The following POU2F1 variants were observed in gnomAD, a reference collection of about 807,000 sequenced individuals.
POU2F1 encodes POU class 2 homeobox 1, also known as POU domain, class 2, transcription factor 1.
POU2F1 carries 16 observed loss-of-function variants against 84.9 expected under a neutral mutation model. The observed-to-expected ratio is 0.19, with a 90% CI of 0.13 to 0.29. The LOEUF is 0.29. POU2F1 is among the 10% of genes least tolerant of loss of function. The pLI, the probability that POU2F1 is intolerant of heterozygous loss-of-function variation, is 1.00. For missense variants in POU2F1, 738 were observed against 942.6 expected (o/e 0.78, Z 2.84); for synonymous variants, 368 against 368.3 (o/e 1.00, Z 0.01).
intron 4 of POU2F1, 84 bp from the exon 5 acceptor site, chr1:167,371,833 A>G (rs1660018388): frequency 6.4e-7 from 1 of 1,558,212 alleles, no homozygotes. Context: ...CATGTTTTAA[A>G]TGATTCCTAA....
intron 12 of POU2F1, among the ~76,000 whole-genome samples, 171 bp downstream of exon 12, chr1:167,399,536 T>A (rs1247853500): frequency 6.6e-6 from 1 of 152,216 alleles, no homozygotes; most frequent in Non-Finnish European, 1.5e-5. Context: ...TCTCATTCTC[T>A]CTTTCCTTGT....
intron 1 of POU2F1, among the ~76,000 whole-genome samples, chr1:167,238,900 G>C (rs1649694586): frequency 6.6e-6 from 1 of 152,190 alleles, no homozygotes; most frequent in Non-Finnish European, 1.5e-5. Context: ...TGGCTACTCA[G>C]ATGGGTGGCT....
At chr1:167,343,718 T>TA (rs1253841461) in intron 2 of POU2F1, among the ~76,000 whole-genome samples, 10 of 125,050 alleles carry the variant, frequency 8.0e-5, no homozygotes, top group African/African-American at 3.0e-4. Flanking sequence ...TTAAAATGAA[T>TA]ACTTGTATTT....
Position 167,315,565 on chromosome 1 carries a change from CAGG to C in POU2F1, c.62-16902_62-16900del, listed in dbSNP as rs558196535. Among the ~76,000 whole-genome samples, 976 of 152,234 alleles carry C rather than the reference CAGG, an allele frequency of 6.4e-3. 7 individuals are homozygous for C. Among genetic ancestry groups the C allele is most frequent in the Non-Finnish European group, 7.9e-3 (537 of 68,000 alleles). The stretch of plus-strand genomic sequence containing the variant: ...CAGAAGTGGAATGATGGCGCTTGAC[CAGG>C]AGTTCAAGACCAGCTTGAGCAACAT... On this transcript the variant is annotated intron_variant, in intron 1 of 15. Coordinates refer to ENST00000367866, the MANE Select transcript of POU2F1 (RefSeq NM_002697.4).
chr1:167,306,223 A>T (rs1557881907), intron 1 of POU2F1, among the ~76,000 whole-genome samples: 1 of 152,198 alleles, frequency 6.6e-6, no homozygotes, highest in Non-Finnish European at 1.5e-5. Context: ...TGTACTTCTT[A>T]AAAAATGTTA....
At chr1:167,404,208 G>T (rs997815089) in intron 13 of POU2F1, among the ~76,000 whole-genome samples, 1 of 150,140 alleles carries the variant, frequency 6.7e-6, no homozygotes. Context: ...AGGATTTTTT[G>T]GCATTCACTC....
At chr1:167,365,593 G>A in intron 3 of POU2F1, 26 bp downstream of exon 3, 1 of 1,523,506 alleles carries the variant, frequency 6.6e-7, no homozygotes, top group Non-Finnish European at 8.9e-7. Context: ...TCAACCATCA[G>A]TGAGAGTGAA....
chr1:167,273,244 G>T (rs927419368), intron 1 of POU2F1, among the ~76,000 whole-genome samples: 11 of 152,164 alleles, frequency 7.2e-5, no homozygotes, highest in Non-Finnish European at 1.6e-4. Context: ...TGTCTTTACA[G>T]GCTGTCGTTG....
chr1:167,253,376 GC>G lies in POU2F1; in HGVS notation c.61+32431del, dbSNP rs57789204. 2.9e-3 allele frequency among the ~76,000 whole-genome samples: 358 copies of G among 121,508 alleles called. 12 individuals are homozygous for G. Among genetic ancestry groups the G allele is most frequent in the Middle Eastern group, 0.014 (3 of 216 alleles). 79.7% of individuals were successfully genotyped at this position (121,508 alleles called of 152,430 possible). ...ATTCTGTTTCATTCTTTATTTTTCTGCCCCCCCCCCCCCAAACACACAGGAG... is the reference window on the plus strand; with the variant it reads ...ATTCTGTTTCATTCTTTATTTTTCTGCCCCCCCCCCCCAAACACACAGGAG... On this transcript the variant is annotated intron_variant, in intron 1 of 15. Coordinates refer to ENST00000367866, the MANE Select transcript of POU2F1 (RefSeq NM_002697.4).
intron 2 of POU2F1, among the ~76,000 whole-genome samples, chr1:167,359,403 G>A (rs1339005187): frequency 6.6e-6 from 1 of 151,992 alleles, no homozygotes; most frequent in Non-Finnish European, 1.5e-5. Context: ...TGTGTCTTAT[G>A]TGTTTAACTC....
rs947488185 is a variant in POU2F1 at position 167,374,838 on chromosome 1, C to T, written c.591+542C>T. Among the ~76,000 whole-genome samples, 11 of 152,066 alleles carry T rather than the reference C, an allele frequency of 7.2e-5. No homozygotes were observed. In the East Asian group the frequency reaches 1.7e-3, roughly 24 times the overall value. ...ATCCCAGCACTTTGGGAGGCCGAGG[C>T]GGGCGGATCACTAGGTCAGGAGTTC... On this transcript the variant is annotated intron_variant, in intron 6 of 15. Coordinates refer to ENST00000367866, the MANE Select transcript of POU2F1 (RefSeq NM_002697.4).
intron 1 of POU2F1, among the ~76,000 whole-genome samples, chr1:167,231,586 A>C (rs1349958523): frequency 2.0e-5 from 3 of 152,234 alleles, no homozygotes; most frequent in Non-Finnish European, 4.4e-5. Context: ...AAATATTTAT[A>C]GAGCTTCTGC....
chr1:167,289,706 C>G (rs976348919), intron 1 of POU2F1, among the ~76,000 whole-genome samples: 1 of 152,258 alleles, frequency 6.6e-6, no homozygotes, highest in African/African-American at 2.4e-5. Flanking sequence ...AAATTTCTAT[C>G]TCAGGTCTTA....
chr1:167,415,671 C>T lies in POU2F1; in HGVS notation c.2162C>T (p.Ala721Val), dbSNP rs1395203825. Reference protein sequence around the residue: ...NPVSLVSAAAASAGNSAPVAS... With the variant: ...NPVSLVSAAAVSAGNSAPVAS... Reference sequence around the variant, plus strand: ...GTTAGCTTGGTCTCTGCCGCCGCAGCATCTGCAGGGAACTCTGCACCTGTA... The same window carrying T: ...GTTAGCTTGGTCTCTGCCGCCGCAGTATCTGCAGGGAACTCTGCACCTGTA... Residue 721 changes from alanine to valine, a missense_variant, in exon 16 of 16, where the codon GCA becomes GTA. Transcript: ENST00000367866. The T allele has an allele frequency of 6.2e-7, 1 of 1,614,088 alleles. No individual in the cohort carries two copies.
intron 1 of POU2F1, among the ~76,000 whole-genome samples, chr1:167,277,118 A>G (rs1188164541): frequency 6.6e-6 from 1 of 152,126 alleles, no homozygotes; most frequent in East Asian, 1.9e-4. Context: ...GACACTCTCA[A>G]CCACCAACTC....
chr1:167,246,843 G>T (rs922123513), intron 1 of POU2F1, among the ~76,000 whole-genome samples: 2 of 152,140 alleles, frequency 1.3e-5, no homozygotes, highest in East Asian at 3.8e-4. Context: ...ATATACCTAT[G>T]TACTTTATGG....
chr1:167,370,694 C>T (rs1659951876), intron 4 of POU2F1, among the ~76,000 whole-genome samples: 3 of 152,152 alleles, frequency 2.0e-5, no homozygotes, highest in Admixed American at 1.3e-4. Flanking sequence ...ACATAACCTC[C>T]TTGGGTTCAG....
chr1:167,358,808 C>G (rs1401021305), intron 2 of POU2F1, among the ~76,000 whole-genome samples: 2 of 129,870 alleles, frequency 1.5e-5, no homozygotes, highest in East Asian at 5.3e-4. Flanking sequence ...TCTGCTTCAG[C>G]CTGTCTAGAG....
intron 1 of POU2F1, among the ~76,000 whole-genome samples, chr1:167,304,982 T>G (rs1654963478): frequency 6.6e-6 from 1 of 152,220 alleles, no homozygotes; most frequent in Non-Finnish European, 1.5e-5. Flanking sequence ...TAAGGCTTAT[T>G]ATCATGAATG....
Sources: allele counts gnomAD v4.1 joint callset (sites outside exome capture counted in the v4.1 genomes callset), GRCh38; gene constraint gnomAD v4.1.1; transcripts MANE v1.5; gene names NCBI Gene and HGNC (gene_info 2026-07-23, HGNC 2026-07-21).